The following SPON1 variants were observed in gnomAD, a reference collection of about 807,000 sequenced individuals.
SPON1 encodes the protein spondin-1.
SPON1 carries 52 observed loss-of-function variants against 111.7 expected under a neutral mutation model. The observed-to-expected ratio is 0.47, with a 90% CI of 0.37 to 0.59. The LOEUF (loss-of-function observed/expected upper bound fraction) is 0.59, where lower values mean the gene tolerates loss of function less well. Among genes scored for constraint, SPON1 ranks in the 20% least tolerant of loss-of-function variants. SPON1 has a pLI of 0.00. For missense variants in SPON1, 957 were observed against 1,068.5 expected (o/e 0.90, Z 1.46); for synonymous variants, 410 against 395.8 (o/e 1.04, Z -0.43).
rs782537589 is a variant in SPON1, at chr11:14,259,750, T to C, written c.1831+49T>C. On this transcript the variant is annotated intron_variant, in intron 13 of 15. Transcript: ENST00000576479. The surrounding 1 kb of genome is among the most constrained non-coding windows in gnomAD (Gnocchi z 5.0). ...TGGAGGAGGCCACTGGGGACAGGCGTGGAGGGCCATGGCATCCACTATTAC... is the reference window on the plus strand; with the variant it reads ...TGGAGGAGGCCACTGGGGACAGGCGCGGAGGGCCATGGCATCCACTATTAC... 1.6e-5 allele frequency: 25 copies of C among 1,520,918 alleles called. No individual in the cohort carries two copies. In the East Asian group the frequency reaches 6.1e-4, roughly 37 times the overall value. 94.2% of individuals were successfully genotyped at this position (1,520,918 alleles called of 1,614,324 possible).
chr11:14,125,040 A>C (rs1409403752), intron 5 of SPON1, among the ~76,000 whole-genome samples: 1 of 152,214 alleles, frequency 6.6e-6, no homozygotes, highest in Non-Finnish European at 1.5e-5. Context: ...CCAGGAGGCC[A>C]TTCTGGGATG....
chr11:14,178,500 C>T (rs1410340745), intron 6 of SPON1, among the ~76,000 whole-genome samples: 1 of 151,950 alleles, frequency 6.6e-6, no homozygotes, highest in Non-Finnish European at 1.5e-5. Flanking sequence ...CAATCCCTAC[C>T]CTCACTCGCG....
intron 2 of SPON1, among the ~76,000 whole-genome samples, chr11:14,033,070 T>G (rs918283489): frequency 1.4e-4 from 21 of 152,138 alleles, no homozygotes; most frequent in African/African-American, 4.8e-4. Flanking sequence ...ACAGAAGATG[T>G]CCCTTCTTAT....
At chr11:13,981,528 G>A (rs533431861) in intron 1 of SPON1, among the ~76,000 whole-genome samples, 2 of 152,192 alleles carry the variant, frequency 1.3e-5, no homozygotes, top group South Asian at 2.1e-4. Flanking sequence ...GGGTTTCACC[G>A]TGTTAGCCAG....
intron 5 of SPON1, among the ~76,000 whole-genome samples, chr11:14,129,043 C>G (rs1260891954): frequency 2.0e-5 from 3 of 152,238 alleles, no homozygotes; most frequent in Non-Finnish European, 2.9e-5. Context: ...CCTTGGTCTC[C>G]CAGCCTGTGA....
At chr11:14,017,407 A>G (rs1848451439) in intron 2 of SPON1, among the ~76,000 whole-genome samples, 1 of 152,216 alleles carries the variant, frequency 6.6e-6, no homozygotes, top group Admixed American at 6.5e-5. Flanking sequence ...AAATTAGCTT[A>G]GTTTTTTAGT....
intron 2 of SPON1, among the ~76,000 whole-genome samples, chr11:14,012,484 C>T (rs960857206): frequency 2.6e-5 from 4 of 152,096 alleles, no homozygotes; most frequent in African/African-American, 4.8e-5. Context: ...TTCTCAGTGG[C>T]GACGTGCAAA....
At chr11:13,977,012 C>T (rs994865824) in intron 1 of SPON1, among the ~76,000 whole-genome samples, 1 of 152,154 alleles carries the variant, frequency 6.6e-6, no homozygotes, top group Non-Finnish European at 1.5e-5. Flanking sequence ...TGAGATTTAT[C>T]CATGTTGCAT....
chr11:13,981,519 G>T (rs963239519), intron 1 of SPON1, among the ~76,000 whole-genome samples: 10 of 152,120 alleles, frequency 6.6e-5, no homozygotes, highest in African/African-American at 1.9e-4. Flanking sequence ...GTAGAGACGG[G>T]GTTTCACCGT....
At chr11:14,235,217 C>A (rs1408635048) in intron 6 of SPON1, among the ~76,000 whole-genome samples, 1 of 152,192 alleles carries the variant, frequency 6.6e-6, no homozygotes, top group Admixed American at 6.5e-5. Flanking sequence ...GACTGGGCCT[C>A]GGAGGACACC....
At chr11:13,988,511 C>T (rs1848202834) in intron 2 of SPON1, among the ~76,000 whole-genome samples, 1 of 152,186 alleles carries the variant, frequency 6.6e-6, no homozygotes, top group African/African-American at 2.4e-5. Context: ...AATTTGACTT[C>T]CTCTCTTCCT....
intron 6 of SPON1, among the ~76,000 whole-genome samples, chr11:14,161,219 CTATATATATT>C (rs1564920149): frequency 2.2e-5 from 1 of 45,940 alleles, no homozygotes; most frequent in African/African-American, 7.1e-5. Context: ...TTATATATAT[CTATATATATT>C]TATATATTTA....
chr11:14,087,198 G>A (rs1256497372), intron 5 of SPON1, among the ~76,000 whole-genome samples: 1 of 151,868 alleles, frequency 6.6e-6, no homozygotes, highest in Non-Finnish European at 1.5e-5. Context: ...TTTTGAATTT[G>A]TTTACTCTTG....
intron 3 of SPON1, among the ~76,000 whole-genome samples, chr11:14,065,920 C>T (rs1246943883): frequency 2.0e-5 from 3 of 152,320 alleles, no homozygotes; most frequent in Non-Finnish European, 4.4e-5. Flanking sequence ...GAATAAGACA[C>T]TAGTCCCTGG....
At chr11:14,147,492 A>T (rs1554929451) in intron 6 of SPON1, among the ~76,000 whole-genome samples, 1 of 152,160 alleles carries the variant, frequency 6.6e-6, no homozygotes, top group South Asian at 2.1e-4. Flanking sequence ...AACTTGGCTC[A>T]CTGCAACCTC....
At chr11:14,160,549 ATATATATATTTATATATATATT>A (rs1847910360) in intron 6 of SPON1, among the ~76,000 whole-genome samples, 2 of 12,136 alleles carry the variant, frequency 1.6e-4, no homozygotes, top group African/African-American at 3.6e-4. Context: ...ATATATATTT[ATATATATATTTATATATATATT>A]TATATATATA....
At chr11:14,007,378 G>A (rs1361175781) in intron 2 of SPON1, among the ~76,000 whole-genome samples, 3 of 152,200 alleles carry the variant, frequency 2.0e-5, no homozygotes, top group African/African-American at 4.8e-5. Context: ...TCCCAAAACT[G>A]AAGAACTTGG....
At chr11:14,168,189 T>A (rs1848053566) in intron 6 of SPON1, among the ~76,000 whole-genome samples, 2 of 152,278 alleles carry the variant, frequency 1.3e-5, no homozygotes, top group South Asian at 4.1e-4. Flanking sequence ...AGTAGGTAAA[T>A]TGAACAATTT....
At chr11:14,010,076 A>G (rs1157161879) in intron 2 of SPON1, among the ~76,000 whole-genome samples, 1 of 152,192 alleles carries the variant, frequency 6.6e-6, no homozygotes, top group Non-Finnish European at 1.5e-5. Flanking sequence ...TATGCACTGC[A>G]GGAACAAATG....
Sources: allele counts gnomAD v4.1 joint callset (sites outside exome capture counted in the v4.1 genomes callset), GRCh38; gene constraint gnomAD v4.1.1; non-coding constraint Gnocchi (gnomAD v3.1); transcripts MANE v1.5; gene names NCBI Gene and HGNC (gene_info 2026-07-23, HGNC 2026-07-21).